IL1RAPL2: variants seen among roughly 807,000 people sequenced by gnomAD.
IL1RAPL2 encodes the protein interleukin 1 receptor accessory protein like 2.
In IL1RAPL2, 3 loss-of-function variants were observed where a neutral mutation model predicts 44.1. The observed-to-expected ratio is 0.07, with a 90% CI of 0.03 to 0.18. IL1RAPL2 has a LOEUF of 0.18. Ranked by LOEUF, IL1RAPL2 falls within the 10% of genes least tolerant of loss-of-function variation. The pLI is 1.00. For missense variants in IL1RAPL2, 391 were observed against 496.4 expected, an observed-to-expected ratio of 0.79 and a Z score of 2.02; for synonymous variants, 181 against 178.8, an observed-to-expected ratio of 1.01 and a Z score of -0.10.
chrX:105,730,421 G>A (rs2038396662), intron 7 of IL1RAPL2, among the ~76,000 whole-genome samples: 1 of 110,960 alleles, frequency 9.0e-6, no homozygotes, highest in South Asian at 3.7e-4. Context: ...AATATCTGGG[G>A]ACTTCAGCAC....
chrX:105,651,868 AT>A (rs1477194020), intron 6 of IL1RAPL2, among the ~76,000 whole-genome samples: 2 of 112,121 alleles, frequency 1.8e-5, no homozygotes, highest in African/African-American at 6.5e-5. Flanking sequence ...TTTTAAGCCA[AT>A]TTAATAACTA....
At chrX:104,896,574 A>G (rs140651310) in intron 2 of IL1RAPL2, among the ~76,000 whole-genome samples, 15,019 of 110,859 alleles carry the variant, frequency 0.14, 1,041 homozygotes, top group Non-Finnish European at 0.2. Context: ...TTTTAAACAC[A>G]CCAATCAGTG....
At chrX:104,798,815 A>G (rs1932867514) in intron 2 of IL1RAPL2, among the ~76,000 whole-genome samples, 2 of 110,781 alleles carry the variant, frequency 1.8e-5, no homozygotes, top group African/African-American at 6.6e-5. Context: ...GGTACCTTTA[A>G]TTGTCCCTCC....
At chrX:105,113,728 T>G (rs1244560743) in intron 2 of IL1RAPL2, among the ~76,000 whole-genome samples, 1 of 111,814 alleles carries the variant, frequency 8.9e-6, no homozygotes, top group Non-Finnish European at 1.9e-5. Flanking sequence ...CATCTTATTG[T>G]AGATTATATA....
chrX:104,626,752 T>C (rs922336734), intron 1 of IL1RAPL2, among the ~76,000 whole-genome samples: 3 of 110,856 alleles, frequency 2.7e-5, no homozygotes, highest in African/African-American at 9.8e-5. Context: ...GGTAATGCAA[T>C]TGATTAAGCT....
At chrX:105,653,271 A>C (rs1445121471) in intron 6 of IL1RAPL2, among the ~76,000 whole-genome samples, 1 of 111,495 alleles carries the variant, frequency 9.0e-6, no homozygotes, top group African/African-American at 3.3e-5. Context: ...TGCACATAAA[A>C]ATGCATGAGA....
At chrX:105,088,125 A>G (rs925683894) in intron 2 of IL1RAPL2, among the ~76,000 whole-genome samples, 6 of 112,099 alleles carry the variant, frequency 5.4e-5, no homozygotes, top group African/African-American at 9.7e-5. Context: ...AAAGGATACT[A>G]TGTAAATCAT....
intron 2 of IL1RAPL2, among the ~76,000 whole-genome samples, chrX:104,826,242 A>G (rs956822026): frequency 3.6e-5 from 4 of 111,797 alleles, no homozygotes; most frequent in Non-Finnish European, 7.5e-5. Context: ...TTTCTCCTGT[A>G]GGAATTTAGT....
At position 104,861,960 on chromosome X, in the gene IL1RAPL2, G is replaced by A. The variant is rs917223160; in HGVS notation, c.82+202965G>A. On this transcript the variant is annotated intron_variant, in intron 2 of 10. Coordinates refer to ENST00000372582, the MANE Select transcript of IL1RAPL2 (RefSeq NM_017416.2). ...TAGTCAGAGAAAGGTTTTAAAAAGA[G>A]AAGTTTGAGCTGGGTCTAAAGGATA... Among the ~76,000 whole-genome samples the A allele has an allele frequency of 2.7e-5, 3 of 111,241 alleles. No homozygotes were observed. In the Admixed American group the frequency reaches 2.9e-4, roughly 11 times the overall value.
At chrX:105,081,776 A>G (rs777066130) in intron 2 of IL1RAPL2, among the ~76,000 whole-genome samples, 2 of 111,716 alleles carry the variant, frequency 1.8e-5, no homozygotes, top group Non-Finnish European at 3.8e-5. Flanking sequence ...TGGATTATGT[A>G]TATTGATTTG....
chrX:105,172,600 A>G (rs762999783), intron 2 of IL1RAPL2, among the ~76,000 whole-genome samples: 27 of 111,162 alleles, frequency 2.4e-4, no homozygotes, highest in Non-Finnish European at 3.0e-4. Flanking sequence ...AAAGCTAGCA[A>G]TTTTACATAG....
chrX:105,130,183 T>G (rs2033013531), intron 2 of IL1RAPL2, among the ~76,000 whole-genome samples: 1 of 111,345 alleles, frequency 9.0e-6, no homozygotes, highest in Non-Finnish European at 1.9e-5. Flanking sequence ...AATGTTTGAC[T>G]AAAAAATCCA....
At chrX:105,690,203 A>AACT (rs1434635810) in intron 6 of IL1RAPL2, among the ~76,000 whole-genome samples, 1 of 111,147 alleles carries the variant, frequency 9.0e-6, no homozygotes, top group Admixed American at 9.6e-5. Flanking sequence ...TGTACCCTAG[A>AACT]ACTTAAAGTA....
At chrX:105,652,403 A>G (rs190479620) in intron 6 of IL1RAPL2, among the ~76,000 whole-genome samples, 92 of 111,667 alleles carry the variant, frequency 8.2e-4, no homozygotes, top group Non-Finnish European at 1.0e-3. Flanking sequence ...TGCTTATCCT[A>G]AAATCCACTG....
At chrX:105,154,336 T>C (rs949510882) in intron 2 of IL1RAPL2, among the ~76,000 whole-genome samples, 35 of 110,962 alleles carry the variant, frequency 3.2e-4, no homozygotes, top group African/African-American at 8.5e-4. Context: ...TTATTTTTGG[T>C]TTACAGTATC....
At chrX:105,565,023 G>A (rs937196006) in intron 6 of IL1RAPL2, among the ~76,000 whole-genome samples, 2 of 112,254 alleles carry the variant, frequency 1.8e-5, no homozygotes, top group Admixed American at 9.4e-5. Context: ...AGCCAGCTCC[G>A]TCATTTGTAT....
intron 2 of IL1RAPL2, among the ~76,000 whole-genome samples, chrX:104,879,356 C>A (rs1200422283): frequency 1.1e-4 from 2 of 17,739 alleles, no homozygotes; most frequent in Non-Finnish European, 2.1e-4. Context: ...AGAGACCAAG[C>A]AAAACTAGTA....
intron 5 of IL1RAPL2, among the ~76,000 whole-genome samples, chrX:105,388,476 C>T (rs1029560455): frequency 5.8e-5 from 6 of 102,932 alleles, no homozygotes; most frequent in African/African-American, 1.8e-4. Context: ...TAAAACTTGG[C>T]ATATTTATGC....
intron 2 of IL1RAPL2, among the ~76,000 whole-genome samples, chrX:105,104,982 G>A (rs964981133): frequency 1.8e-5 from 2 of 111,631 alleles, no homozygotes; most frequent in African/African-American, 6.5e-5. Flanking sequence ...TACATTGAAA[G>A]CCCCCTGATA....
Sources: gnomAD v4.1 joint callset for allele counts (sites outside exome capture counted in the v4.1 genomes callset) on GRCh38, gnomAD v4.1.1 for gene constraint, MANE v1.5 for transcripts, NCBI Gene and HGNC (gene_info 2026-07-23, HGNC 2026-07-21) for gene names.